The following RBM24 variants were observed in gnomAD, a reference collection of about 807,000 sequenced individuals.
RBM24 encodes the protein RNA-binding protein 24.
RBM24 carries 5 observed loss-of-function variants against 23.6 expected under a neutral mutation model. That is an observed-to-expected ratio of 0.21 (90% CI 0.11 to 0.45). RBM24 has a LOEUF of 0.45. RBM24 is among the 20% of genes least tolerant of loss of function. The probability of loss-of-function intolerance (pLI) is 0.99; values close to 1 mark genes in which losing one functional copy is unlikely to be tolerated. For synonymous variants in RBM24, 151 were observed against 129.5 expected (o/e 1.17, Z -1.13); for missense variants, 252 against 314.6 (o/e 0.80, Z 1.51).
chr6:17,290,454 G>C (rs1760324924), intron 3 of RBM24, among the ~76,000 whole-genome samples: 1 of 152,136 alleles, frequency 6.6e-6, no homozygotes, highest in East Asian at 1.9e-4. Context: ...TGGAATTTTT[G>C]TTTAAATACC....
chr6:17,288,271 A>C, intron 3 of RBM24: 1 of 985,438 alleles, frequency 1.0e-6, no homozygotes. Context: ...AAGAAAGCCG[A>C]TAAGCACCAA....
intron 3 of RBM24, chr6:17,288,186 C>T: frequency 1.1e-6 from 1 of 946,272 alleles, no homozygotes; most frequent in Non-Finnish European, 1.3e-6. Context: ...TCTGCCTGAC[C>T]TCAGAAGCTG....
rs1760372361 is a variant in RBM24 at position 17,291,894 on chromosome 6, A to T, written c.486A>T (p.Ala162=). ...GAGCTGCATACGCACAATACTCAGC[A>T]GCTGCTGCTGCTGCCGCCGCCGCTG... ...YTGAAYAQYS[A]AAAAAAAAAA... The change falls in exon 4 of 4, where the codon GCA becomes GCT. Residue 162 remains alanine, a synonymous_variant. Coordinates refer to ENST00000379052, the MANE Select transcript of RBM24 (RefSeq NM_001143942.2). The T allele has an allele frequency of 6.2e-7, 1 of 1,613,546 alleles. No individual in the cohort carries two copies. Among genetic ancestry groups the T allele is most frequent in the African/African-American group, 1.3e-5 (1 of 74,896 alleles).
chr6:17,288,532 T>C (rs952811338), intron 3 of RBM24: 1 of 985,436 alleles, frequency 1.0e-6, no homozygotes, highest in Non-Finnish European at 1.2e-6. Context: ...TAGGAGGCTA[T>C]GTTAAGACAA....
intron 2 of RBM24, among the ~76,000 whole-genome samples, chr6:17,283,368 C>A (rs1194870400): frequency 1.3e-5 from 2 of 152,176 alleles, no homozygotes; most frequent in Non-Finnish European, 2.9e-5. Context: ...CTGACTTGAA[C>A]ACAGACCCAA....
intron 3 of RBM24, chr6:17,290,800 C>A (rs1561737471): frequency 1.7e-6 from 2 of 1,202,618 alleles, no homozygotes; most frequent in East Asian, 5.7e-5. Context: ...CCTGCCTTTT[C>A]CCTCAACCTC....
At chr6:17,284,747 A>C in intron 3 of RBM24, 36 bp downstream of exon 3, 2 of 1,524,640 alleles carry the variant, frequency 1.3e-6, no homozygotes, top group Non-Finnish European at 1.8e-6. Flanking sequence ...AAGTTTCAGT[A>C]TGACTATCAT....
intron 3 of RBM24, chr6:17,289,843 T>TTAGCCGTGTCTACACGTTG: frequency 8.8e-7 from 1 of 1,135,610 alleles, no homozygotes; most frequent in Non-Finnish European, 1.1e-6. Context: ...GTAGGCTCTC[T>TTAGCCGTGTCTACACGTTG]TAGCCGTGTC....
In RBM24 at chr6:17,292,776, T is replaced by A. The variant is rs1261078966; in HGVS notation, c.*657T>A. 6.5e-6 allele frequency: 1 copy of A among 152,680 alleles called. No homozygotes were observed. Among genetic ancestry groups the A allele is most frequent in the African/African-American group, 2.4e-5 (1 of 41,458 alleles). 9.5% of individuals were successfully genotyped at this position (152,680 alleles called of 1,614,324 possible). A position where few individuals can be genotyped will look rare whatever the true frequency, so the allele number is the denominator to read the frequency against. ...GAACTGTGGAACAAGTGATGTGGAA[T>A]TAATGGGTGCAACAGCTGTACAGAC... On this transcript the variant is annotated 3_prime_UTR_variant, in exon 4 of 4. Coordinates refer to ENST00000379052, the MANE Select transcript of RBM24 (RefSeq NM_001143942.2).
In RBM24 at chr6:17,282,840, C is replaced by G. The variant is rs371064289; in HGVS notation, c.204C>G (p.Ala68=). Residue 68 remains alanine, a synonymous_variant, in exon 2 of 4, where the codon GCC becomes GCG. Coordinates refer to ENST00000379052, the MANE Select transcript of RBM24 (RefSeq NM_001143942.2). ...TMADRAAAER[A]CKDPNPIIDG... is the part of the protein sequence containing the mutation. ...CTGACCGGGCTGCTGCCGAAAGGGC[C>G]TGCAAGGATCCCAATCCCATCATTG... 1 of 1,614,086 alleles carries G rather than the reference C, an allele frequency of 6.2e-7. No individual in the cohort carries two copies. Among genetic ancestry groups the G allele is most frequent in the Non-Finnish European group, 8.5e-7 (1 of 1,180,022 alleles).
chr6:17,281,559 C>A lies in RBM24; in HGVS notation c.-23C>A. The A allele has an allele frequency of 6.7e-7, 1 of 1,485,936 alleles. No individual in the cohort carries two copies. Among genetic ancestry groups the A allele is most frequent in the East Asian group, 2.9e-5 (1 of 34,350 alleles). 92.0% of individuals were successfully genotyped at this position (1,485,936 alleles called of 1,614,324 possible). A position where few individuals can be genotyped will look rare whatever the true frequency, so the allele number is the denominator to read the frequency against. ...CCGAGCCGCAGCCGCAGCCGGAGCC[C>A]GAGCCGCGGGGCGGGTGCGAAGATG... On this transcript the variant is annotated 5_prime_UTR_variant, in exon 1 of 4. Coordinates refer to ENST00000379052, the MANE Select transcript of RBM24 (RefSeq NM_001143942.2). This position sits in a 1 kb window ranked among gnomAD's most constrained non-coding sequence, Gnocchi z 7.1.
At chr6:17,283,127 T>C in intron 2 of RBM24, 199 bp downstream of exon 2, 1 of 534,222 alleles carries the variant, frequency 1.9e-6, no homozygotes, top group South Asian at 2.7e-5. Flanking sequence ...TGTACCTGTG[T>C]GCAAAAATGG....
At chr6:17,287,791 A>G (rs924811582) in intron 3 of RBM24, among the ~76,000 whole-genome samples, 1 of 151,990 alleles carries the variant, frequency 6.6e-6, no homozygotes, top group African/African-American at 2.4e-5. Flanking sequence ...CCTGGGCGAC[A>G]GAGCGAGACT....
chr6:17,286,467 A>G (rs2113402516), intron 3 of RBM24, among the ~76,000 whole-genome samples: 1 of 152,336 alleles, frequency 6.6e-6, no homozygotes, highest in East Asian at 1.9e-4. Flanking sequence ...AATTGAATCA[A>G]TCAACAGGTA....
chr6:17,289,880 A>G (rs1268371588), intron 3 of RBM24: 1 of 1,230,438 alleles, frequency 8.1e-7, no homozygotes, highest in African/African-American at 1.6e-5. Context: ...GGCAGCCTCC[A>G]GGGACAGTGT....
intron 3 of RBM24, chr6:17,289,444 A>G: frequency 1.0e-6 from 1 of 985,418 alleles, no homozygotes; most frequent in Non-Finnish European, 1.2e-6. Context: ...CTTTCTTTAT[A>G]TTCTCATTGT....
At chr6:17,285,858 T>C (rs1200634846) in intron 3 of RBM24, among the ~76,000 whole-genome samples, 1 of 152,228 alleles carries the variant, frequency 6.6e-6, no homozygotes, top group East Asian at 1.9e-4. Flanking sequence ...CACTAGATTC[T>C]GTTTTGGCTC....
At chr6:17,289,019 A>G in intron 3 of RBM24, 1 of 985,418 alleles carries the variant, frequency 1.0e-6, no homozygotes, top group Non-Finnish European at 1.2e-6. Context: ...TCACATAGAG[A>G]TGTCAGTGGA....
At chr6:17,290,609 C>T (rs1466674588) in intron 3 of RBM24, among the ~76,000 whole-genome samples, 1 of 152,058 alleles carries the variant, frequency 6.6e-6, no homozygotes, top group East Asian at 1.9e-4. Flanking sequence ...CATGATTATA[C>T]AATTGATATG....
Sources: allele counts gnomAD v4.1 joint callset (sites outside exome capture counted in the v4.1 genomes callset), GRCh38; gene constraint gnomAD v4.1.1; non-coding constraint Gnocchi (gnomAD v3.1); transcripts MANE v1.5; gene names NCBI Gene and HGNC (gene_info 2026-07-23, HGNC 2026-07-21).